Variants in FAAP24 observed in about 807,000 individuals in gnomAD.
FAAP24 encodes the protein Fanconi anemia core complex-associated protein 24.
FAAP24 carries 16 observed loss-of-function variants against 14.3 expected under a neutral mutation model. That is an observed-to-expected ratio of 1.12 (90% CI 0.76 to 1.69). The LOEUF is 1.69. Among genes scored for constraint, FAAP24 ranks in the 40% most tolerant of loss-of-function variants. FAAP24 has a pLI of 0.00. For missense variants in FAAP24, 234 were observed against 262.7 expected, an observed-to-expected ratio of 0.89 and a Z score of 0.75; for synonymous variants, 111 against 106.2, an observed-to-expected ratio of 1.04 and a Z score of -0.28.
At chr19:32,973,591 A>G in intron 3 of FAAP24, 29 bp downstream of exon 3, 2 of 1,612,640 alleles carry the variant, frequency 1.2e-6, no homozygotes, top group Non-Finnish European at 1.7e-6. Context: ...GCTGTGGCTC[A>G]CGCCAGTAAT....
At chr19:32,973,723 C>T (rs1198944552) in intron 3 of FAAP24, among the ~76,000 whole-genome samples, 161 bp downstream of exon 3, 4 of 152,140 alleles carry the variant, frequency 2.6e-5, no homozygotes, top group Admixed American at 6.5e-5. Context: ...AGTATGGTGG[C>T]GCACGCCTGT....
Position 32,976,484 on chromosome 19 carries a change from G to C in FAAP24, c.450G>C (p.Arg150=), listed in dbSNP as rs756138269. The C allele has an allele frequency of 1.9e-6, 3 of 1,614,182 alleles. No individual in the cohort carries two copies. In the East Asian group the frequency reaches 6.7e-5, roughly 36 times the overall value. The part of the protein sequence containing the change: ...PSKNPLLGKK[R]ALLLSEPSLL... Reference sequence around the variant, plus strand: ...AGAACCCTCTTCTCGGGAAGAAACGGGCCCTGCTGCTGTCTGAGCCTTCGC... The same window carrying C: ...AGAACCCTCTTCTCGGGAAGAAACGCGCCCTGCTGCTGTCTGAGCCTTCGC... The change falls in exon 5 of 5, where the codon CGG becomes CGC. Residue 150 remains arginine, a synonymous_variant. Transcript: ENST00000588258.
chr19:32,973,061 G>A (rs1357516297), intron 1 of FAAP24, 123 bp from the exon 2 acceptor site: 5 of 705,658 alleles, frequency 7.1e-6, no homozygotes, highest in Non-Finnish European at 1.2e-5. Flanking sequence ...TTATTTGACA[G>A]TTCTTTGACA....
At position 32,974,171 on chromosome 19, in the gene FAAP24, G is replaced by C. The variant is rs752443144; in HGVS notation, c.355G>C (p.Val119Leu). The C allele has an allele frequency of 4.3e-6, 7 of 1,613,800 alleles. No individual in the cohort carries two copies. The African/African-American group carries it at 9.3e-5, about 22-fold the overall frequency. The change falls in exon 4 of 5, where the codon GTG becomes CTG. Residue 119 changes from valine to leucine, a missense_variant. By Grantham distance (32) the Val-to-Leu change is conservative (BLOSUM62 1). Coordinates refer to ENST00000588258, the MANE Select transcript of FAAP24 (RefSeq NM_152266.5). ...GGACCTTGGAATGGTGCTGCTTCCA[G>C]TGGCCAGCCAGATGGAAGCATCCTG... The part of the protein sequence containing the change: ...VLDLGMVLLP[V>L]ASQMEASCLV...
chr19:32,976,502 G>A lies in FAAP24; in HGVS notation c.468G>A (p.Glu156=), dbSNP rs1568305310. 7 of 1,614,216 alleles carry A rather than the reference G, an allele frequency of 4.3e-6. No individual in the cohort carries two copies. The highest frequency in any genetic ancestry group is 5.9e-6 in the Non-Finnish European group (7 of 1,180,036). ...AGAAACGGGCCCTGCTGCTGTCTGA[G>A]CCTTCGCTCCTTCGAACCGTGCAGC... The part of the protein sequence containing the change: ...LGKKRALLLS[E]PSLLRTVQQI... Residue 156 remains glutamate, a synonymous_variant, in exon 5 of 5, where the codon GAG becomes GAA. Coordinates refer to ENST00000588258, the MANE Select transcript of FAAP24 (RefSeq NM_152266.5).
In FAAP24 at chr19:32,977,140, T is replaced by C. The variant is rs1971531545; in HGVS notation, c.*458T>C. The C allele has an allele frequency of 2.5e-6, 1 of 402,472 alleles. No homozygotes were observed. Among genetic ancestry groups the C allele is most frequent in the Non-Finnish European group, 4.4e-6 (1 of 228,434 alleles). The allele number at this position is 402,472 out of a possible 1,614,324, so 24.9% of individuals were successfully genotyped here. A position where few individuals can be genotyped will look rare whatever the true frequency, so the allele number is the denominator to read the frequency against. ...CTTGAATGGAGCCCGTGGGTCGTCC[T>C]GCCTTAGCGTCTGAGTTCAGCTTGT... On this transcript the variant is annotated 3_prime_UTR_variant, in exon 5 of 5. Coordinates refer to ENST00000588258, the MANE Select transcript of FAAP24 (RefSeq NM_152266.5).
At chr19:32,976,143 A>G (rs1362650672) in intron 4 of FAAP24, among the ~76,000 whole-genome samples, 1 of 152,156 alleles carries the variant, frequency 6.6e-6, no homozygotes, top group Non-Finnish European at 1.5e-5. Flanking sequence ...GCACAACTGA[A>G]ATGTTTCTTA....
intron 4 of FAAP24, among the ~76,000 whole-genome samples, chr19:32,975,296 A>G (rs952129003): frequency 2.0e-5 from 3 of 150,454 alleles, no homozygotes; most frequent in Non-Finnish European, 4.4e-5. Context: ...CAGCCTCCCT[A>G]GTACCTGGGA....
intron 4 of FAAP24, among the ~76,000 whole-genome samples, chr19:32,975,464 T>TC (rs1041361873): frequency 1.3e-5 from 2 of 148,478 alleles, no homozygotes; most frequent in Non-Finnish European, 3.0e-5. Context: ...CCAACACTTT[T>TC]TTTTTTTTTT....
At position 32,972,259 on chromosome 19, in the gene FAAP24, C is replaced by T. The variant is rs867087684; in HGVS notation, c.-101C>T. ...CCGAGGGCGTGAACCCGGAAGGTGG[C>T]GCGGCCACCAGTAACATGATCTCTA... On this transcript the variant is annotated 5_prime_UTR_variant, in exon 1 of 5. Transcript: ENST00000588258. 180 of 452,878 alleles carry T rather than the reference C, an allele frequency of 4.0e-4. 1 individual carries two copies. In the Middle Eastern group the frequency reaches 5.2e-3, roughly 13 times the overall value. The allele number at this position is 452,878 out of a possible 1,614,324, so 28.1% of individuals were successfully genotyped here.
rs55853151 is a variant in FAAP24 at position 32,976,770 on chromosome 19, G to A, written c.*88G>A. On this transcript the variant is annotated 3_prime_UTR_variant, in exon 5 of 5. Coordinates refer to ENST00000588258, the MANE Select transcript of FAAP24 (RefSeq NM_152266.5). ...GCTTTAAAAACCAAGAGAATGGGCC[G>A]GGTGCACTGGCTCACGCCTCTAATC... 250,539 of 1,519,748 alleles carry A rather than the reference G, an allele frequency of 0.16. 22,553 individuals carry two copies. Among genetic ancestry groups the A allele is most frequent in the Non-Finnish European group, 0.19 (211,538 of 1,123,104 alleles). 94.1% of individuals were successfully genotyped at this position (1,519,748 alleles called of 1,614,324 possible).
At chr19:32,976,367 A>AT in intron 4 of FAAP24, 64 bp from the exon 5 acceptor site, 1 of 1,533,614 alleles carries the variant, frequency 6.5e-7, no homozygotes, top group Non-Finnish European at 8.8e-7. Flanking sequence ...TACAAAACAT[A>AT]TTTTAAGAAA....
At chr19:32,972,710 C>CTTTT (rs377681596) in intron 1 of FAAP24, among the ~76,000 whole-genome samples, 1,772 of 128,036 alleles carry the variant, frequency 0.014, 75 homozygotes, top group African/African-American at 0.044. Context: ...TTTTCTTTTT[C>CTTTT]TTTTCTTTTT....
chr19:32,972,509 A>T, intron 1 of FAAP24, 163 bp downstream of exon 1: 1 of 388,814 alleles, frequency 2.6e-6, no homozygotes, highest in Non-Finnish European at 4.5e-6. Flanking sequence ...ACTCCTGGGC[A>T]CAAGCGATCC....
In FAAP24 at chr19:32,977,465, G is replaced by A; in HGVS notation, c.*783G>A. 2.5e-6 allele frequency: 1 copy of A among 398,568 alleles called. No individual in the cohort carries two copies. 24.7% of individuals were successfully genotyped at this position (398,568 alleles called of 1,614,324 possible). ...TTCATATACCCGTACTGCGAGGGCTGTTTCCAATGTAAATAAATAACTGCG... is the reference window on the plus strand; with the variant it reads ...TTCATATACCCGTACTGCGAGGGCTATTTCCAATGTAAATAAATAACTGCG... On this transcript the variant is annotated 3_prime_UTR_variant, in exon 5 of 5. Coordinates refer to ENST00000588258, the MANE Select transcript of FAAP24 (RefSeq NM_152266.5).
At chr19:32,976,280 T>C in intron 4 of FAAP24, 151 bp from the exon 5 acceptor site, 1 of 964,190 alleles carries the variant, frequency 1.0e-6, no homozygotes. Flanking sequence ...TACTGATGTC[T>C]GAGAAATTAT....
rs1971539647 is a variant in FAAP24 at position 32,977,747 on chromosome 19, T to C, written c.*1065T>C. On this transcript the variant is annotated 3_prime_UTR_variant, in exon 5 of 5. Transcript: ENST00000588258. ...CATCCTGGCCGACATGGTGAAGCCC[T>C]GTCTCTACTAAAAATACAAAAATTA... 1 of 248,884 alleles carries C rather than the reference T, an allele frequency of 4.0e-6. No individual in the cohort carries two copies. Among genetic ancestry groups the C allele is most frequent in the Non-Finnish European group, 7.6e-6 (1 of 132,082 alleles). 15.4% of individuals were successfully genotyped at this position (248,884 alleles called of 1,614,324 possible).
At chr19:32,975,635 C>A (rs921480389) in intron 4 of FAAP24, among the ~76,000 whole-genome samples, 12 of 151,162 alleles carry the variant, frequency 7.9e-5, no homozygotes, top group African/African-American at 2.9e-4. Context: ...AATTTGTATT[C>A]TTAGTAAAGA....
chr19:32,976,318 C>T, intron 4 of FAAP24, 113 bp from the exon 5 acceptor site: 1 of 1,329,828 alleles, frequency 7.5e-7, no homozygotes, highest in Non-Finnish European at 1.0e-6. Context: ...ACATTTGTTC[C>T]CTTAAGTCAA....
Sources: allele counts gnomAD v4.1 joint callset (sites outside exome capture counted in the v4.1 genomes callset), GRCh38; gene constraint gnomAD v4.1.1; transcripts MANE v1.5; gene names NCBI Gene and HGNC (gene_info 2026-07-23, HGNC 2026-07-21).